The following AHR variants were observed in gnomAD, a reference collection of about 807,000 sequenced individuals.
AHR encodes the protein aryl hydrocarbon receptor.
In AHR, 40 loss-of-function variants were observed where a neutral mutation model predicts 86.8. That is an observed-to-expected ratio of 0.46 (90% CI 0.36 to 0.60). The LOEUF (loss-of-function observed/expected upper bound fraction) is 0.60. Among genes scored for constraint, AHR ranks in the 20% least tolerant of loss-of-function variants. The probability of loss-of-function intolerance (pLI) is 0.00; values close to 1 mark genes in which losing one functional copy is unlikely to be tolerated. For synonymous variants in AHR, 398 were observed against 354.9 expected (o/e 1.12, Z -1.37); for missense variants, 1,001 against 1,011.6 (o/e 0.99, Z 0.14).
intron 2 of AHR, among the ~76,000 whole-genome samples, chr7:17,319,424 T>C (rs746796205): frequency 2.3e-4 from 35 of 152,098 alleles, no homozygotes; most frequent in Non-Finnish European, 3.8e-4. Context: ...CTACCTGAGT[T>C]TTTGTCTAAG....
At chr7:17,323,896 T>C (rs902233769) in intron 3 of AHR, among the ~76,000 whole-genome samples, 1 of 152,192 alleles carries the variant, frequency 6.6e-6, no homozygotes, top group Admixed American at 6.5e-5. Flanking sequence ...CTATTTAAGA[T>C]GATTAAACAC....
At chr7:17,299,394 A>C in intron 1 of AHR, 65 bp downstream of exon 1, 1 of 1,556,080 alleles carries the variant, frequency 6.4e-7, no homozygotes, top group Non-Finnish European at 8.8e-7. Context: ...TGCGGGAGGC[A>C]GCCCCACCCC....
At chr7:17,332,335 A>G (rs1782305360) in intron 6 of AHR, among the ~76,000 whole-genome samples, 2 of 151,990 alleles carry the variant, frequency 1.3e-5, no homozygotes, top group South Asian at 2.1e-4. Context: ...TTATTTTAGA[A>G]TAAGGTTAAC....
At chr7:17,331,078 G>A (rs1212654411) in intron 6 of AHR, among the ~76,000 whole-genome samples, 192 bp downstream of exon 6, 1 of 151,880 alleles carries the variant, frequency 6.6e-6, no homozygotes, top group East Asian at 1.9e-4. Flanking sequence ...TGCAAGTGAG[G>A]TACAGAAATG....
chr7:17,339,689 C>G lies in AHR; in HGVS notation c.1864C>G (p.Gln622Glu). ...MVQEHLHLEQ[Q>E]QQHHQKQVVV... is the part of the protein sequence containing the mutation. ...ACAGGAACACCTACATCTAGAACAG[C>G]AACAGCAACATCACCAAAAGCAAGT... The change falls in exon 10 of 11, where the codon CAA becomes GAA. Residue 622 changes from glutamine to glutamate, a missense_variant. This residue lies in a region of AHR where 607 missense variants were observed against 543.1 expected (regional missense o/e 1.12). Coordinates refer to ENST00000242057, the MANE Select transcript of AHR (RefSeq NM_001621.5). 1 of 1,614,080 alleles carries G rather than the reference C, an allele frequency of 6.2e-7. No homozygotes were observed. The highest frequency in any genetic ancestry group is 8.5e-7 in the Non-Finnish European group (1 of 1,179,998).
chr7:17,325,120 T>G (rs908772827), intron 3 of AHR, among the ~76,000 whole-genome samples: 2 of 152,216 alleles, frequency 1.3e-5, no homozygotes, highest in African/African-American at 4.8e-5. Flanking sequence ...ATGATCTCTT[T>G]TATTTAATTA....
rs1278302979 is a variant in AHR, at chr7:17,299,239, G to C, written c.-26G>C. 1 of 1,607,956 alleles carries C rather than the reference G, an allele frequency of 6.2e-7. No individual in the cohort carries two copies. The highest frequency in any genetic ancestry group is 8.5e-7 in the Non-Finnish European group (1 of 1,178,422). On this transcript the variant is annotated 5_prime_UTR_variant, in exon 1 of 11. Transcript: ENST00000242057. ...GGACCCGGCCGCCAGTGCCCGGGGA[G>C]TAGCCGCCGCCGTCGGCTGGGCACC...
At chr7:17,308,698 TAAACACACACAC>T (rs1172512760) in intron 1 of AHR, among the ~76,000 whole-genome samples, 2 of 149,302 alleles carry the variant, frequency 1.3e-5, no homozygotes, top group Non-Finnish European at 3.0e-5. Flanking sequence ...GATACATACA[TAAACACACACAC>T]ACACACACAC....
chr7:17,336,702 T>C (rs1042767631), intron 9 of AHR, among the ~76,000 whole-genome samples: 2 of 152,204 alleles, frequency 1.3e-5, no homozygotes, highest in Admixed American at 1.3e-4. Flanking sequence ...TAAGTACCCA[T>C]GGAAGTACAT....
chr7:17,308,836 A>G (rs1782033178), intron 1 of AHR, among the ~76,000 whole-genome samples: 1 of 152,190 alleles, frequency 6.6e-6, no homozygotes, highest in Non-Finnish European at 1.5e-5. Context: ...GAAATTATCT[A>G]GAAATGTTTT....
chr7:17,318,108 G>T (rs1375588536), intron 2 of AHR, among the ~76,000 whole-genome samples: 1 of 152,096 alleles, frequency 6.6e-6, no homozygotes, highest in Non-Finnish European at 1.5e-5. Context: ...GCAGCAGTTA[G>T]GGACTAAAAG....
intron 2 of AHR, among the ~76,000 whole-genome samples, chr7:17,317,593 A>T (rs1782129225): frequency 6.6e-6 from 1 of 152,118 alleles, no homozygotes; most frequent in Non-Finnish European, 1.5e-5. Context: ...CTAAATCCTG[A>T]GGTTCTAAGT....
In AHR at chr7:17,339,226, TTATCTC is replaced by T. The variant is rs1347226476; in HGVS notation, c.1406_1411del (p.Leu469_Tyr470del). The T allele has an allele frequency of 6.2e-7, 1 of 1,614,086 alleles. No homozygotes were observed. The highest frequency in any genetic ancestry group is 8.5e-7 in the Non-Finnish European group (1 of 1,180,032). The stretch of plus-strand genomic sequence containing the variant: ...CCATGATGCAACAAGATGAGTCTAT[TTATCTC>T]TATCCTGCTTCAAGTACTTCAAGTA... On this transcript the variant is annotated inframe_deletion, in exon 10 of 11. Transcript: ENST00000242057.
rs774979020 is a variant in AHR at position 17,335,722 on chromosome 7, A to G, written c.1096A>G (p.Asn366Asp). The change falls in exon 9 of 11, where the codon AAT becomes GAT. Residue 366 changes from asparagine to aspartate, a missense_variant. By Grantham distance (23) the Asn-to-Asp change is conservative. This residue lies in a region of AHR where 394 missense variants were observed against 468.5 expected (regional missense o/e 0.84). Transcript: ENST00000242057. ...CAACCGATGGACTTGGGTCCAGTCT[A>G]ATGCACGCCTGCTTTATAAAAATGG... The part of the protein sequence containing the change: ...KNNRWTWVQS[N>D]ARLLYKNGRP... 5 of 1,612,138 alleles carry G rather than the reference A, an allele frequency of 3.1e-6. No individual in the cohort carries two copies.
At chr7:17,329,452 G>A (rs1365541131) in intron 4 of AHR, among the ~76,000 whole-genome samples, 1 of 151,856 alleles carries the variant, frequency 6.6e-6, no homozygotes, top group African/African-American at 2.4e-5. Flanking sequence ...GAAGGAAAGT[G>A]GGTTTAATAT....
At chr7:17,304,744 A>G (rs911445524) in intron 1 of AHR, among the ~76,000 whole-genome samples, 1 of 152,114 alleles carries the variant, frequency 6.6e-6, no homozygotes, top group African/African-American at 2.4e-5. Context: ...AGATAGGACT[A>G]TTATTTGTCT....
At chr7:17,324,611 G>C (rs1782208921) in intron 3 of AHR, among the ~76,000 whole-genome samples, 1 of 145,176 alleles carries the variant, frequency 6.9e-6, no homozygotes, top group South Asian at 2.2e-4. Flanking sequence ...GACCAGCCTG[G>C]CCAACATAGG....
intron 2 of AHR, among the ~76,000 whole-genome samples, chr7:17,313,163 C>T (rs1028243734): frequency 2.0e-5 from 3 of 151,822 alleles, no homozygotes; most frequent in Admixed American, 6.6e-5. Context: ...TTCCTCCAGA[C>T]TACCAGTGGT....
intron 3 of AHR, among the ~76,000 whole-genome samples, chr7:17,325,481 G>A (rs1287385923): frequency 6.6e-6 from 1 of 152,156 alleles, no homozygotes; most frequent in African/African-American, 2.4e-5. Context: ...GATATATAGT[G>A]TTACTGCCAA....
Sources: allele counts gnomAD v4.1 joint callset (sites outside exome capture counted in the v4.1 genomes callset), GRCh38; gene constraint gnomAD v4.1.1; regional missense constraint gnomAD v4.1.1; transcripts MANE v1.5; gene names NCBI Gene and HGNC (gene_info 2026-07-23, HGNC 2026-07-21).